The following RIMBP2 variants were observed in gnomAD, a reference collection of about 807,000 sequenced individuals.
RIMBP2 encodes the protein RIMS binding protein 2.
In RIMBP2, 48 loss-of-function variants were observed where a neutral mutation model predicts 118.6. The observed-to-expected ratio is 0.40, with a 90% CI of 0.32 to 0.51. RIMBP2 has a LOEUF of 0.51. Among genes scored for constraint, RIMBP2 ranks in the 20% least tolerant of loss-of-function variants. The pLI, the probability that RIMBP2 is intolerant of heterozygous loss-of-function variation, is 0.41. For synonymous variants in RIMBP2, 762 were observed against 742.9 expected, an observed-to-expected ratio of 1.03 and a Z score of -0.42; for missense variants, 1,551 against 1,768.3, an observed-to-expected ratio of 0.88 and a Z score of 2.20.
intron 1 of RIMBP2, among the ~76,000 whole-genome samples, chr12:130,685,949 A>G (rs1198074880): frequency 5.9e-5 from 9 of 152,002 alleles, no homozygotes; most frequent in Non-Finnish European, 2.9e-5. Context: ...CCCCCAAAGC[A>G]TGAGCCCCAG....
At chr12:130,572,286 G>C (rs2057734029) in intron 2 of RIMBP2, among the ~76,000 whole-genome samples, 1 of 130,356 alleles carries the variant, frequency 7.7e-6, no homozygotes, top group South Asian at 2.5e-4. Context: ...ATCAGCAAAA[G>C]ATGCCTTTGA....
chr12:130,474,940 G>A (rs1426088190), intron 5 of RIMBP2, among the ~76,000 whole-genome samples: 1 of 152,150 alleles, frequency 6.6e-6, no homozygotes, highest in Non-Finnish European at 1.5e-5. Flanking sequence ...CTCCGTAAAC[G>A]TCTGTTGAGT....
At chr12:130,462,757 G>T (rs2080116705) in intron 6 of RIMBP2, among the ~76,000 whole-genome samples, 1 of 152,212 alleles carries the variant, frequency 6.6e-6, no homozygotes, top group South Asian at 2.1e-4. Flanking sequence ...CAGAGCGCTG[G>T]CACCACGTGG....
At chr12:130,497,660 CAT>C (rs779507708) in intron 4 of RIMBP2, among the ~76,000 whole-genome samples, 20 of 152,348 alleles carry the variant, frequency 1.3e-4, no homozygotes, top group Non-Finnish European at 2.6e-4. Context: ...ATGAAAAACA[CAT>C]GAGGCTTTTT....
chr12:130,697,093 G>C (rs1442539064), intron 1 of RIMBP2, among the ~76,000 whole-genome samples: 1 of 152,198 alleles, frequency 6.6e-6, no homozygotes, highest in Non-Finnish European at 1.5e-5. Flanking sequence ...ATGGGATCAG[G>C]TTCATATTTA....
intron 1 of RIMBP2, among the ~76,000 whole-genome samples, chr12:130,636,992 C>T (rs2062379586): frequency 6.6e-6 from 1 of 152,154 alleles, no homozygotes; most frequent in Admixed American, 6.5e-5. Flanking sequence ...TACAGAAGAG[C>T]AGAGAATCAT....
At position 130,446,558 on chromosome 12, in the gene RIMBP2, A is replaced by ACCCAGCAGGTCAG. The variant is rs11273374; in HGVS notation, c.582-1302_582-1290dup. ...GAACCCAATCCAAGACCCTGACAGCACCCAGCAGGTCAGCCTAGAGGGCTG... is the reference window on the plus strand; with the variant it reads ...GAACCCAATCCAAGACCCTGACAGCACCCAGCAGGTCAGCCCAGCAGGTCAGCCTAGAGGGCTG... On this transcript the variant is annotated intron_variant, in intron 9 of 22. Coordinates refer to ENST00000690449, the MANE Select transcript of RIMBP2 (RefSeq NM_001393629.1). The surrounding 1 kb of genome is among the most constrained non-coding windows in gnomAD (Gnocchi z 4.1). Among the ~76,000 whole-genome samples the ACCCAGCAGGTCAG allele has an allele frequency of 0.059, 8,969 of 152,168 alleles. 888 individuals are homozygous for ACCCAGCAGGTCAG. The highest frequency in any genetic ancestry group is 0.21 in the African/African-American group (8,496 of 41,436).
intron 4 of RIMBP2, among the ~76,000 whole-genome samples, chr12:130,487,849 C>T (rs1415719291): frequency 6.6e-6 from 1 of 152,104 alleles, no homozygotes; most frequent in African/African-American, 2.4e-5. Flanking sequence ...GGTGAGGCCT[C>T]TCGCCTAAAA....
intron 1 of RIMBP2, among the ~76,000 whole-genome samples, chr12:130,696,566 G>A (rs1377755411): frequency 6.6e-6 from 1 of 152,184 alleles, no homozygotes; most frequent in Non-Finnish European, 1.5e-5. Flanking sequence ...CTAGATAGCT[G>A]AGCTGACTCA....
intron 1 of RIMBP2, among the ~76,000 whole-genome samples, chr12:130,648,101 G>C (rs1007211269): frequency 9.0e-5 from 13 of 143,688 alleles, no homozygotes; most frequent in African/African-American, 3.2e-4. Flanking sequence ...GATCATCACC[G>C]AGCAGATACA....
chr12:130,646,035 C>G (rs1041189493), intron 1 of RIMBP2, among the ~76,000 whole-genome samples: 1 of 151,936 alleles, frequency 6.6e-6, no homozygotes, highest in East Asian at 1.9e-4. Context: ...GGTGCGGCAG[C>G]CAGTTCCCTC....
intron 1 of RIMBP2, among the ~76,000 whole-genome samples, chr12:130,707,879 T>C (rs1288851049): frequency 3.3e-5 from 5 of 152,064 alleles, no homozygotes; most frequent in Non-Finnish European, 7.4e-5. Context: ...GAAGAGGACA[T>C]GTTTGGCAAA....
chr12:130,652,101 T>C (rs1185149703), intron 1 of RIMBP2, among the ~76,000 whole-genome samples: 1 of 152,236 alleles, frequency 6.6e-6, no homozygotes, highest in African/African-American at 2.4e-5. Flanking sequence ...TTTTAAATAC[T>C]CTTCTTCATA....
rs1053530912 is a variant in RIMBP2 at position 130,450,761 on chromosome 12, C to T, written c.504+434G>A. On this transcript the variant is annotated intron_variant, in intron 8 of 22. Transcript: ENST00000690449. This position sits in a 1 kb window ranked among gnomAD's most constrained non-coding sequence, Gnocchi z 4.8. ...GCTTTCAGTGGCTTCACCTCGGACT[C>T]AGACAAAAAGCCAAACGCTGTCCTC... Among the ~76,000 whole-genome samples the T allele has an allele frequency of 6.6e-6, 1 of 152,012 alleles. No individual in the cohort carries two copies. Among genetic ancestry groups the T allele is most frequent in the East Asian group, 1.9e-4 (1 of 5,152 alleles).
intron 5 of RIMBP2, 54 bp downstream of exon 5, chr12:130,478,858 G>T: frequency 1.5e-6 from 2 of 1,362,212 alleles, no homozygotes; most frequent in East Asian, 2.3e-5. Context: ...GGGATCCCCG[G>T]CCCACCCGTG....
chr12:130,480,888 A>G (rs2081940596), intron 4 of RIMBP2, among the ~76,000 whole-genome samples: 5 of 152,244 alleles, frequency 3.3e-5, no homozygotes, highest in Admixed American at 2.6e-4. Flanking sequence ...GGCGTGAGCC[A>G]CCGCGCCCGA....
chr12:130,397,562 G>A lies in RIMBP2; in HGVS notation c.3901-13C>T, dbSNP rs2074154933. The A allele has an allele frequency of 2.5e-6, 1 of 398,910 alleles. No homozygotes were observed. The allele number at this position is 398,910 out of a possible 1,614,324, so 24.7% of individuals were successfully genotyped here. The stretch of plus-strand genomic sequence containing the variant: ...CCTCAGGAGGAACCTAGTAGGTACA[G>A]TGTTACAGTTTATTGAGTGTGTGAG... On this transcript the variant is annotated splice_polypyrimidine_tract_variant and intron_variant, in intron 22 of 22. Coordinates refer to ENST00000690449, the MANE Select transcript of RIMBP2 (RefSeq NM_001393629.1).
Position 130,424,967 on chromosome 12 carries a change from CG to C in RIMBP2, c.2413-110del, listed in dbSNP as rs2076682522. 2 of 573,996 alleles carry C rather than the reference CG, an allele frequency of 3.5e-6. No homozygotes were observed. The highest frequency in any genetic ancestry group is 2.0e-5 in the African/African-American group (1 of 50,854). The allele number at this position is 573,996 out of a possible 1,614,324, so 35.6% of individuals were successfully genotyped here. A position where few individuals can be genotyped will look rare whatever the true frequency, so the allele number is the denominator to read the frequency against. The stretch of plus-strand genomic sequence containing the variant: ...CAGACAGAATTAGTCCTGGAGGCAC[CG>C]AGGGGGGGGAAGCATGCGTCTACTC... On this transcript the variant is annotated intron_variant, in intron 15 of 22. Transcript: ENST00000690449. The surrounding 1 kb of genome is among the most constrained non-coding windows in gnomAD (Gnocchi z 9.8).
chr12:130,571,685 G>A lies in RIMBP2; in HGVS notation c.-216-53768C>T, dbSNP rs566161328. Among the ~76,000 whole-genome samples, 13 of 152,214 alleles carry A rather than the reference G, an allele frequency of 8.5e-5. No individual in the cohort carries two copies. In the South Asian group the frequency reaches 2.5e-3, roughly 29 times the overall value. On this transcript the variant is annotated intron_variant, in intron 2 of 22. Transcript: ENST00000690449. The stretch of plus-strand genomic sequence containing the variant: ...AATGCTCAGACAGTTGGCACCACCT[G>A]CATACTCAAGACCCTCCTGTGCCGT...
Sources: allele counts gnomAD v4.1 joint callset (sites outside exome capture counted in the v4.1 genomes callset), GRCh38; gene constraint gnomAD v4.1.1; non-coding constraint Gnocchi (gnomAD v3.1); transcripts MANE v1.5; gene names NCBI Gene and HGNC (gene_info 2026-07-23, HGNC 2026-07-21).